Variants in CTNND2 observed in about 807,000 individuals in gnomAD.
The protein encoded by CTNND2 is catenin delta 2.
CTNND2 carries 22 observed loss-of-function variants against 144.4 expected under a neutral mutation model. The observed-to-expected ratio is 0.15, with a 90% CI of 0.11 to 0.22. CTNND2 has a LOEUF of 0.22. CTNND2 is among the 10% of genes least tolerant of loss of function. The pLI is 1.00. For missense variants in CTNND2, 1,353 were observed against 1,618.8 expected, an observed-to-expected ratio of 0.84 and a Z score of 2.82; for synonymous variants, 751 against 695.6, an observed-to-expected ratio of 1.08 and a Z score of -1.25.
chr5:11,858,212 T>C (rs1275904589), intron 1 of CTNND2, among the ~76,000 whole-genome samples: 1 of 152,238 alleles, frequency 6.6e-6, no homozygotes, highest in Non-Finnish European at 1.5e-5. Context: ...CTTAAAGACT[T>C]TCCACAACAT....
intron 1 of CTNND2, among the ~76,000 whole-genome samples, chr5:11,783,486 G>A (rs998619658): frequency 2.6e-5 from 4 of 152,112 alleles, no homozygotes; most frequent in African/African-American, 4.8e-5. Flanking sequence ...ATGTGCTTCC[G>A]CATCGGGATT....
intron 9 of CTNND2, among the ~76,000 whole-genome samples, chr5:11,320,843 T>C (rs1268997699): frequency 6.6e-6 from 1 of 152,188 alleles, no homozygotes; most frequent in African/African-American, 2.4e-5. Context: ...TCAAGTATCT[T>C]AAAGCAAATT....
intron 2 of CTNND2, among the ~76,000 whole-genome samples, chr5:11,647,969 T>G (rs1168666032): frequency 6.6e-6 from 1 of 152,186 alleles, no homozygotes; most frequent in Non-Finnish European, 1.5e-5. Flanking sequence ...GGAGCAGGCT[T>G]GCTTGGCTAA....
chr5:11,611,080 G>A (rs1041054392), intron 2 of CTNND2, among the ~76,000 whole-genome samples: 2 of 152,126 alleles, frequency 1.3e-5, no homozygotes, highest in Non-Finnish European at 2.9e-5. Context: ...CATGCGGACA[G>A]TTACCCCTCA....
intron 1 of CTNND2, among the ~76,000 whole-genome samples, chr5:11,775,008 T>G (rs892260605): frequency 1.2e-4 from 18 of 152,274 alleles, no homozygotes; most frequent in African/African-American, 3.9e-4. Context: ...ACATCGTGTC[T>G]GACTTTATAG....
rs1735969252 is a variant in CTNND2, at chr5:10,972,774, T to G, written c.*679A>C. The G allele has an allele frequency of 6.6e-6, 1 of 150,978 alleles. No individual in the cohort carries two copies. The highest frequency in any genetic ancestry group is 2.4e-5 in the African/African-American group (1 of 40,966). The allele number at this position is 150,978 out of a possible 1,614,324, so 9.4% of individuals were successfully genotyped here. A position where few individuals can be genotyped will look rare whatever the true frequency, so the allele number is the denominator to read the frequency against. ...ATACTGCTAAATATTCCTTTTTTCC[T>G]GCTTTTTTTTTTTTTTGTTAAAACA... On this transcript the variant is annotated 3_prime_UTR_variant, in exon 22 of 22. Coordinates refer to ENST00000304623, the MANE Select transcript of CTNND2 (RefSeq NM_001332.4).
intron 3 of CTNND2, among the ~76,000 whole-genome samples, chr5:11,420,607 C>T (rs1490415439): frequency 6.6e-6 from 1 of 152,098 alleles, no homozygotes; most frequent in Non-Finnish European, 1.5e-5. Context: ...TCCATTAGCG[C>T]ATTATGTCCA....
At chr5:11,231,093 C>G (rs550333295) in intron 10 of CTNND2, among the ~76,000 whole-genome samples, 2 of 152,124 alleles carry the variant, frequency 1.3e-5, no homozygotes, top group Non-Finnish European at 2.9e-5. Flanking sequence ...GTGAGTCTCA[C>G]GAGATCTGAG....
At chr5:11,865,908 A>AAAAAAAAAAAAAAAAAAG in intron 1 of CTNND2, among the ~76,000 whole-genome samples, 1 of 149,118 alleles carries the variant, frequency 6.7e-6, no homozygotes, top group Non-Finnish European at 1.5e-5. Flanking sequence ...GAGACAAAAA[A>AAAAAAAAAAAAAAAAAAG]AAAAAAACGA....
intron 5 of CTNND2, among the ~76,000 whole-genome samples, chr5:11,406,369 A>T (rs183483587): frequency 4.2e-4 from 64 of 152,266 alleles, no homozygotes; most frequent in African/African-American, 1.5e-3. Flanking sequence ...AAGCAAAACA[A>T]AGAAAACAGC....
chr5:11,543,331 A>G (rs1774927966), intron 3 of CTNND2, among the ~76,000 whole-genome samples: 1 of 152,136 alleles, frequency 6.6e-6, no homozygotes, highest in Non-Finnish European at 1.5e-5. Flanking sequence ...ACATTCCTTC[A>G]TGTAAGGGAG....
intron 2 of CTNND2, among the ~76,000 whole-genome samples, chr5:11,640,969 T>C (rs1781971002): frequency 6.6e-6 from 1 of 152,146 alleles, no homozygotes; most frequent in African/African-American, 2.4e-5. Context: ...ATATCGTTCA[T>C]TCCCCTAACG....
chr5:11,082,724 G>A lies in CTNND2; in HGVS notation c.2760C>T (p.Ala920=), dbSNP rs1358459713. 1.9e-6 allele frequency: 3 copies of A among 1,614,056 alleles called. No individual in the cohort carries two copies. Among genetic ancestry groups the A allele is most frequent in the Non-Finnish European group, 2.5e-6 (3 of 1,180,038 alleles). ...TGAGCTCCTTATTTCTGACGTCCAAGGCCATGTTCCGCAGCGCAGTGGCCA... is the reference window on the plus strand; with the variant it reads ...TGAGCTCCTTATTTCTGACGTCCAAAGCCATGTTCCGCAGCGCAGTGGCCA... ...CAVATALRNM[A]LDVRNKELIG... Residue 920 remains alanine (A), a synonymous_variant, in exon 16 of 22, where the codon GCC becomes GCT. Transcript: ENST00000304623.
intron 1 of CTNND2, among the ~76,000 whole-genome samples, chr5:11,889,336 T>G (rs190727440): frequency 6.6e-6 from 1 of 152,316 alleles, no homozygotes; most frequent in African/African-American, 2.4e-5. Context: ...TTAATGATTT[T>G]AAGATACAAT....
At chr5:11,526,881 C>T (rs986095334) in intron 3 of CTNND2, among the ~76,000 whole-genome samples, 11 of 141,396 alleles carry the variant, frequency 7.8e-5, no homozygotes, top group Non-Finnish European at 1.4e-4. Flanking sequence ...ATGGTCTGTC[C>T]ATACTGTGGA....
At chr5:11,420,153 C>A (rs1335305941) in intron 3 of CTNND2, among the ~76,000 whole-genome samples, 4 of 152,096 alleles carry the variant, frequency 2.6e-5, no homozygotes, top group Non-Finnish European at 4.4e-5. Flanking sequence ...GAAACCCCAT[C>A]TCTGCTAAAA....
chr5:11,633,116 T>C (rs1281668398), intron 2 of CTNND2, among the ~76,000 whole-genome samples: 1 of 152,138 alleles, frequency 6.6e-6, no homozygotes, highest in Non-Finnish European at 1.5e-5. Flanking sequence ...CCATATTCAA[T>C]GGGAAACATT....
At chr5:11,881,777 T>C (rs959113634) in intron 1 of CTNND2, among the ~76,000 whole-genome samples, 2 of 152,108 alleles carry the variant, frequency 1.3e-5, no homozygotes, top group African/African-American at 4.8e-5. Flanking sequence ...CTGGACCATA[T>C]GGTATTTTTA....
At chr5:11,074,489 T>C (rs1748700792) in intron 16 of CTNND2, among the ~76,000 whole-genome samples, 1 of 152,210 alleles carries the variant, frequency 6.6e-6, no homozygotes. Context: ...GAGACACAGC[T>C]GCAGGGATCT....
Sources: allele counts gnomAD v4.1 joint callset (sites outside exome capture counted in the v4.1 genomes callset), GRCh38; gene constraint gnomAD v4.1.1; transcripts MANE v1.5; gene names NCBI Gene and HGNC (gene_info 2026-07-23, HGNC 2026-07-21).